ZNF682: variants seen among roughly 807,000 people sequenced by gnomAD.
The protein encoded by ZNF682 is zinc finger protein 682.
ZNF682 carries 29 observed loss-of-function variants against 36.5 expected under a neutral mutation model. That is an observed-to-expected ratio of 0.80 (90% CI 0.59 to 1.08). The LOEUF (loss-of-function observed/expected upper bound fraction) is 1.08, where lower values mean the gene tolerates loss of function less well. ZNF682 is among the 50% of genes least tolerant of loss of function. The pLI is 0.00. For missense variants in ZNF682, 561 were observed against 579.7 expected, an observed-to-expected ratio of 0.97 and a Z score of 0.33; for synonymous variants, 180 against 197.0, an observed-to-expected ratio of 0.91 and a Z score of 0.72.
At chr19:20,000,843 AG>A (rs767403026), downstream of ZNF682, among the ~76,000 whole-genome samples, 156 of 152,290 alleles carry the variant, frequency 1.0e-3, 1 homozygote, top group Non-Finnish European at 2.0e-3. Context: ...CAGATTAATG[AG>A]GAGCTGTTTG....
Position 20,007,094 on chromosome 19 carries a change from A to G in ZNF682, c.408T>C (p.Cys136=), listed in dbSNP as rs1461248657. The G allele has an allele frequency of 6.2e-7, 1 of 1,613,590 alleles. No homozygotes were observed. Among genetic ancestry groups the G allele is most frequent in the Non-Finnish European group, 8.5e-7 (1 of 1,179,996 alleles). Residue 136 remains cysteine, a synonymous_variant, in exon 4 of 4, where the codon TGT becomes TGC. Transcript: ENST00000397165. ...QKEIYNGLNQ[C]LSTLPSKIFP... is the part of the protein sequence containing the mutation. ...AAATTTTGCTAGGTAGAGTTGACAA[A>G]CATTGGTTAAGTCCATTATAAATTT...
intron 1 of ZNF682, among the ~76,000 whole-genome samples, chr19:20,029,567 C>T (rs1294455690): frequency 6.8e-6 from 1 of 147,840 alleles, no homozygotes; most frequent in East Asian, 2.0e-4. Flanking sequence ...TACCACTGCA[C>T]TCCAGCCTGG....
chr19:20,023,934 T>C (rs892056970), intron 2 of ZNF682, among the ~76,000 whole-genome samples: 1 of 151,996 alleles, frequency 6.6e-6, no homozygotes, highest in Admixed American at 6.6e-5. Flanking sequence ...GTGAGCTGGA[T>C]TGTACCACTG....
At chr19:20,016,308 T>C (rs1027382574) in intron 3 of ZNF682, among the ~76,000 whole-genome samples, 3 of 152,182 alleles carry the variant, frequency 2.0e-5, no homozygotes, top group Non-Finnish European at 2.9e-5. Flanking sequence ...AGGAAATATA[T>C]TCCTTTAAAG....
chr19:19,998,105 T>C (rs952011843), intron 3 of ZNF682, among the ~76,000 whole-genome samples: 2 of 152,246 alleles, frequency 1.3e-5, no homozygotes, highest in Non-Finnish European at 1.5e-5. Context: ...CAGAAAATGA[T>C]TGAATCATAC....
chr19:20,032,184 T>A (rs894643284), intron 1 of ZNF682, among the ~76,000 whole-genome samples: 1 of 152,160 alleles, frequency 6.6e-6, no homozygotes, highest in African/African-American at 2.4e-5. Flanking sequence ...AGGGCCTGGA[T>A]TCAAATTTGG....
In ZNF682 at chr19:20,007,197, C is replaced by T. The variant is rs1458613794; in HGVS notation, c.305G>A (p.Arg102Lys). Reference sequence around the variant, plus strand: ...ATCCTCAAGTCCACAGCTTCCATATCTTCTCAGTATCACTTTTTGGAATGA... The same window carrying T: ...ATCCTCAAGTCCACAGCTTCCATATTTTCTCAGTATCACTTTTTGGAATGA... ...QDSFQKVILR[R>K]YGSCGLEDLH... Residue 102 changes from arginine to lysine, a missense_variant, in exon 4 of 4, where the codon AGA (arginine) becomes AAA (lysine). Coordinates refer to ENST00000397165, the MANE Select transcript of ZNF682 (RefSeq NM_033196.3). The T allele has an allele frequency of 2.5e-6, 4 of 1,613,622 alleles. No individual in the cohort carries two copies. In the Admixed American group the frequency reaches 6.7e-5, roughly 27 times the overall value.
At position 20,024,313 on chromosome 19, in the gene ZNF682, G is replaced by T. The variant is rs368747912; in HGVS notation, c.67C>A (p.Pro23Thr). 5.9e-5 allele frequency: 96 copies of T among 1,613,600 alleles called. No individual in the cohort carries two copies. Among genetic ancestry groups the T allele is most frequent in the Non-Finnish European group, 7.7e-5 (91 of 1,179,742 alleles). ...TTCCTATACAAACTCTGCTGAGCAGGGTTCAGAAACTCCCACTCCTCCAGA... is the reference window on the plus strand; with the variant it reads ...TTCCTATACAAACTCTGCTGAGCAGTGTTCAGAAACTCCCACTCCTCCAGA... ...FSLEEWEFLNPAQQSLYRKVM... is the reference protein window; with the variant it reads ...FSLEEWEFLNTAQQSLYRKVM... Residue 23 changes from proline (P) to threonine (T), a missense_variant, in exon 2 of 4, where the codon CCT becomes ACT. Pro to Thr is a conservative substitution (Grantham distance 38, BLOSUM62 -1). Transcript: ENST00000397165.
chr19:20,015,977 T>C (rs1013388451), intron 3 of ZNF682: 10 of 379,430 alleles, frequency 2.6e-5, no homozygotes, highest in Non-Finnish European at 2.8e-5. Context: ...GGAATATAGA[T>C]GAAAATGCAA....
intron 1 of ZNF682, among the ~76,000 whole-genome samples, chr19:20,026,258 G>T (rs565465855): frequency 1.3e-5 from 2 of 151,592 alleles, no homozygotes; most frequent in South Asian, 2.1e-4. Context: ...AGCCGAGATC[G>T]CGCCACTGCA....
At chr19:20,004,336 C>T (rs1000113674), downstream of ZNF682, 1 of 152,048 alleles carries the variant, frequency 6.6e-6, no homozygotes, top group South Asian at 2.1e-4. Flanking sequence ...ATGTTGTTAC[C>T]GTCTGTTACC....
At chr19:20,038,411 T>C (rs2088552863) in intron 1 of ZNF682, among the ~76,000 whole-genome samples, 1 of 152,054 alleles carries the variant, frequency 6.6e-6, no homozygotes. Context: ...AGAGGGGAAG[T>C]TGGTGTTGAA....
At chr19:20,035,116 A>G (rs756563185) in intron 1 of ZNF682, among the ~76,000 whole-genome samples, 1 of 152,246 alleles carries the variant, frequency 6.6e-6, no homozygotes. Context: ...ATATACATAT[A>G]GACACTAAAA....
chr19:20,024,748 G>C (rs1477305918), intron 1 of ZNF682, among the ~76,000 whole-genome samples: 1 of 152,142 alleles, frequency 6.6e-6, no homozygotes, highest in African/African-American at 2.4e-5. Flanking sequence ...TGAGGGAGGA[G>C]AATCACTTGA....
Position 20,023,083 on chromosome 19 carries a change from C to T in ZNF682, c.147G>A (p.Lys49=), listed in dbSNP as rs1459320165. The change falls in exon 3 of 4, where the codon AAG becomes AAA. Residue 49 remains lysine, a synonymous_variant. Coordinates refer to ENST00000397165, the MANE Select transcript of ZNF682 (RefSeq NM_033196.3). ...GCTCCAGACGGCTAATCAGTTCTGG[C>T]TTAGAAACAGTAAGACCTGTTTTAT... The part of the protein sequence containing the change: ...NLVSLGLTVS[K]PELISRLEQR... 6.2e-7 allele frequency: 1 copy of T among 1,613,926 alleles called. No homozygotes were observed. The highest frequency in any genetic ancestry group is 8.5e-7 in the Non-Finnish European group (1 of 1,179,878).
chr19:19,997,289 C>T (rs1460288956), intron 3 of ZNF682: 1 of 398,502 alleles, frequency 2.5e-6, no homozygotes, highest in Admixed American at 4.4e-5. Context: ...GCTATGTCCC[C>T]ATCTCAGCCT....
At chr19:19,998,317 G>T (rs1052690231) in intron 3 of ZNF682, among the ~76,000 whole-genome samples, 8 of 152,160 alleles carry the variant, frequency 5.3e-5, no homozygotes, top group Admixed American at 2.6e-4. Flanking sequence ...AGCCAGCGCT[G>T]CAAAAGAATG....
intron 1 of ZNF682, among the ~76,000 whole-genome samples, chr19:20,036,794 C>T (rs1427071722): frequency 2.0e-4 from 21 of 105,374 alleles, no homozygotes; most frequent in Non-Finnish European, 3.5e-5. Context: ...TGGTGAGATG[C>T]TGTCTCTATA....
chr19:20,035,477 G>A (rs2088520382), intron 1 of ZNF682, among the ~76,000 whole-genome samples: 1 of 151,958 alleles, frequency 6.6e-6, no homozygotes, highest in Non-Finnish European at 1.5e-5. Context: ...ACCCACCTCA[G>A]CCTCCTAAAT....
Sources: gnomAD v4.1 joint callset for allele counts (sites outside exome capture counted in the v4.1 genomes callset) on GRCh38, gnomAD v4.1.1 for gene constraint, MANE v1.5 for transcripts, NCBI Gene and HGNC (gene_info 2026-07-23, HGNC 2026-07-21) for gene names.